The following FBXO47 variants were observed in gnomAD, a reference collection of about 807,000 sequenced individuals.
FBXO47 encodes F-box only protein 47.
FBXO47 carries 34 observed loss-of-function variants against 53.9 expected under a neutral mutation model. The ratio of observed to expected loss-of-function variants is 0.63; its 90% CI spans 0.48 to 0.84. The LOEUF (loss-of-function observed/expected upper bound fraction) is 0.84. Among genes scored for constraint, FBXO47 ranks in the 40% least tolerant of loss-of-function variants. The pLI, the probability that FBXO47 is intolerant of heterozygous loss-of-function variation, is 0.00. For synonymous variants in FBXO47, 165 were observed against 181.6 expected, an observed-to-expected ratio of 0.91 and a Z score of 0.73; for missense variants, 485 against 541.3, an observed-to-expected ratio of 0.90 and a Z score of 1.03.
chr17:38,941,850 T>A (rs1354897132), intron 9 of FBXO47, among the ~76,000 whole-genome samples: 1 of 151,594 alleles, frequency 6.6e-6, no homozygotes, highest in Non-Finnish European at 1.5e-5. Flanking sequence ...TTTTTGTATT[T>A]TTTTGTAGAG....
At chr17:38,955,534 C>T (rs1905509553) in intron 4 of FBXO47, among the ~76,000 whole-genome samples, 1 of 151,756 alleles carries the variant, frequency 6.6e-6, no homozygotes, top group Non-Finnish European at 1.5e-5. Context: ...GCCTCTGCCT[C>T]CTGGGTTCAA....
At chr17:38,939,277 A>C (rs1904383132) in intron 9 of FBXO47, among the ~76,000 whole-genome samples, 1 of 122,818 alleles carries the variant, frequency 8.1e-6, no homozygotes, top group African/African-American at 3.2e-5. Flanking sequence ...TGGGGGACAG[A>C]GCCAGACTCC....
chr17:38,962,377 A>C (rs1000097458), intron 2 of FBXO47, among the ~76,000 whole-genome samples: 1 of 152,148 alleles, frequency 6.6e-6, no homozygotes. Context: ...GTACTTTGGG[A>C]GGCCAAGGCG....
At chr17:38,951,237 T>C (rs1355358567) in intron 6 of FBXO47, among the ~76,000 whole-genome samples, 1 of 151,998 alleles carries the variant, frequency 6.6e-6, no homozygotes, top group Non-Finnish European at 1.5e-5. Context: ...ACTCTGTTGC[T>C]CAGGTTGAGT....
chr17:38,951,537 CTATTT>C, intron 6 of FBXO47, 39 bp downstream of exon 6: 1 of 1,361,246 alleles, frequency 7.3e-7, no homozygotes, highest in Non-Finnish European at 1.0e-6. Flanking sequence ...TTTATTTTTT[CTATTT>C]TAATCTCTGT....
At chr17:38,958,472 G>GAAA (rs148326204) in intron 3 of FBXO47, among the ~76,000 whole-genome samples, 1 of 137,684 alleles carries the variant, frequency 7.3e-6, no homozygotes. Context: ...ACTTTAAAAA[G>GAAA]AAAAAAAAAA....
At chr17:38,938,753 G>A (rs371873841) in intron 9 of FBXO47, 21 bp from the exon 10 acceptor site, 240 of 1,526,176 alleles carry the variant, frequency 1.6e-4, no homozygotes, top group Admixed American at 3.5e-4. Flanking sequence ...CATATAAAGC[G>A]CTATAAACCT....
At chr17:38,947,441 A>G (rs1905002467) in intron 6 of FBXO47, among the ~76,000 whole-genome samples, 1 of 151,924 alleles carries the variant, frequency 6.6e-6, no homozygotes, top group Non-Finnish European at 1.5e-5. Context: ...CAATCCTCCC[A>G]CCTCAGCCTC....
chr17:38,952,751 T>C (rs902783585), intron 5 of FBXO47, among the ~76,000 whole-genome samples: 4 of 151,854 alleles, frequency 2.6e-5, no homozygotes, highest in African/African-American at 9.7e-5. Flanking sequence ...TTGTCATTTA[T>C]GATATTGCTT....
chr17:38,945,468 T>A (rs1904711592), intron 6 of FBXO47, among the ~76,000 whole-genome samples: 5 of 152,146 alleles, frequency 3.3e-5, no homozygotes, highest in Admixed American at 3.3e-4. Context: ...ATATCATTAA[T>A]ATACTTTGTA....
chr17:38,956,591 C>T (rs77702045), intron 4 of FBXO47, among the ~76,000 whole-genome samples: 4 of 55,946 alleles, frequency 7.1e-5, no homozygotes, highest in Non-Finnish European at 1.3e-4. Context: ...TCTGTCTCAA[C>T]AAAAAAAAAA....
intron 3 of FBXO47, among the ~76,000 whole-genome samples, chr17:38,960,891 C>CAA (rs1206711430): frequency 1.3e-5 from 2 of 152,042 alleles, no homozygotes; most frequent in African/African-American, 4.8e-5. Flanking sequence ...CTCGGCCTCT[C>CAA]AAAGTGCTGA....
intron 3 of FBXO47, among the ~76,000 whole-genome samples, chr17:38,959,932 G>A (rs1864922588): frequency 6.6e-6 from 1 of 152,002 alleles, no homozygotes; most frequent in Non-Finnish European, 1.5e-5. Flanking sequence ...TGAACCTCAT[G>A]ATTTTTTTCA....
rs373466080 is a variant in FBXO47 at position 38,962,904 on chromosome 17, A to G, written c.122T>C (p.Phe41Ser). The change falls in exon 2 of 11, where the codon TTT (phenylalanine) becomes TCT (serine). Residue 41 changes from phenylalanine to serine, a missense_variant. Coordinates refer to ENST00000378079, the MANE Select transcript of FBXO47 (RefSeq NM_001008777.3). ...CAATGGTAAGGCTTTAAAATTTCCA[A>G]ATGTTGATATGGGTTGAAAGCCTGA... is the stretch of plus-strand genomic sequence containing the variant. ...LGSGFQPIST[F>S]GNFKALPLEI... is the part of the protein sequence containing the mutation. 1 of 1,613,368 alleles carries G rather than the reference A, an allele frequency of 6.2e-7. No individual in the cohort carries two copies.
chr17:38,937,938 G>A (rs1915622463), intron 10 of FBXO47, among the ~76,000 whole-genome samples: 1 of 152,208 alleles, frequency 6.6e-6, no homozygotes, highest in African/African-American at 2.4e-5. Flanking sequence ...AAAGTGCTGG[G>A]ATTACAGGCA....
chr17:38,957,755 G>A (rs1447569377), intron 3 of FBXO47, among the ~76,000 whole-genome samples: 1 of 148,316 alleles, frequency 6.7e-6, no homozygotes, highest in East Asian at 2.0e-4. Flanking sequence ...CTGAAGTGCA[G>A]TGGCATGCCA....
chr17:38,946,931 TAA>T (rs1158867347), intron 6 of FBXO47, among the ~76,000 whole-genome samples: 2 of 120,360 alleles, frequency 1.7e-5, no homozygotes, highest in African/African-American at 7.0e-5. Flanking sequence ...TATAAACATA[TAA>T]ATATATATAA....
chr17:38,957,108 C>G, intron 4 of FBXO47, 69 bp downstream of exon 4: 1 of 1,025,106 alleles, frequency 9.8e-7, no homozygotes, highest in Non-Finnish European at 1.5e-6. Flanking sequence ...GTAAAATGAG[C>G]ATAAGATAAT....
At position 38,937,252 on chromosome 17, in the gene FBXO47, A is replaced by G; in HGVS notation, c.1282T>C (p.Phe428Leu). ...DEDDRSFLNL[F>L]HLVHAQANFH... ...TTAGCCTGAGCATGTACAAGATGGA[A>G]CAAATTCAAAAAGCTTCTGTCATCT... The change falls in exon 11 of 11, where the codon TTC (phenylalanine) becomes CTC (leucine). Residue 428 changes from phenylalanine (F) to leucine (L), a missense_variant. Physicochemically the swap from Phe to Leu is conservative, Grantham distance 22. Transcript: ENST00000378079. 1.9e-6 allele frequency: 3 copies of G among 1,610,520 alleles called. No homozygotes were observed. Among genetic ancestry groups the G allele is most frequent in the Non-Finnish European group, 2.5e-6 (3 of 1,177,350 alleles).
Sources: allele counts gnomAD v4.1 joint callset (sites outside exome capture counted in the v4.1 genomes callset), GRCh38; gene constraint gnomAD v4.1.1; transcripts MANE v1.5; gene names NCBI Gene and HGNC (gene_info 2026-07-23, HGNC 2026-07-21).